The following EPS15L1 variants were observed in gnomAD, a reference collection of about 807,000 sequenced individuals.
EPS15L1 encodes the protein epidermal growth factor receptor pathway substrate 15 like 1, also known as epidermal growth factor receptor substrate 15-like 1.
Under a neutral mutation model 117.1 loss-of-function variants are expected in EPS15L1, and 43 were observed. That is an observed-to-expected ratio of 0.37 (90% CI 0.29 to 0.47). The LOEUF is 0.47. EPS15L1 is among the 20% of genes least tolerant of loss of function. The probability of loss-of-function intolerance (pLI) is 0.99; values close to 1 mark genes in which losing one functional copy is unlikely to be tolerated. For missense variants in EPS15L1, 981 were observed against 1,164.0 expected (o/e 0.84, Z 2.29); for synonymous variants, 459 against 470.5 (o/e 0.98, Z 0.32).
rs2092220770 is a variant in EPS15L1 at position 16,371,243 on chromosome 19, C to T, written c.2380+5879G>A. On this transcript the variant is annotated intron_variant, in intron 22 of 23. Coordinates refer to ENST00000455140, the MANE Select transcript of EPS15L1 (RefSeq NM_001258374.3). This position sits in a 1 kb window ranked among gnomAD's most constrained non-coding sequence, Gnocchi z 4.7. ...CAGAGAAGTGGGAGAGCTGGCAGCA[C>T]TTAGGACCTCAGGGCTTCCTCGGTG... is the stretch of plus-strand genomic sequence containing the variant. Among the ~76,000 whole-genome samples the T allele has an allele frequency of 6.6e-6, 1 of 152,136 alleles. No individual in the cohort carries two copies. The highest frequency in any genetic ancestry group is 1.5e-5 in the Non-Finnish European group (1 of 68,034).
rs2093344406 is a variant in EPS15L1 at position 16,471,315 on chromosome 19, T to G, written c.33+598A>C. 6.6e-6 allele frequency among the ~76,000 whole-genome samples: 1 copy of G among 152,234 alleles called. No individual in the cohort carries two copies. Among genetic ancestry groups the G allele is most frequent in the Admixed American group, 6.5e-5 (1 of 15,280 alleles). On this transcript the variant is annotated intron_variant, in intron 1 of 23. Transcript: ENST00000455140. The surrounding 1 kb of genome is among the most constrained non-coding windows in gnomAD (Gnocchi z 4.8). ...ACAGAGCTGCCTACGCATGGCTCTT[T>G]TTCGCATGTCTGTGTCGCGCTATCG...
chr19:16,395,671 T>C (rs1454074125), intron 16 of EPS15L1, among the ~76,000 whole-genome samples: 2 of 152,082 alleles, frequency 1.3e-5, no homozygotes, highest in African/African-American at 4.8e-5. Flanking sequence ...AGGCCAGGCA[T>C]GGTGGCTCAC....
chr19:16,382,511 A>G (rs1207651815), intron 21 of EPS15L1, among the ~76,000 whole-genome samples: 1 of 152,220 alleles, frequency 6.6e-6, no homozygotes, highest in East Asian at 1.9e-4. Flanking sequence ...AACTGGTTCA[A>G]AACAGAAGAC....
At position 16,402,313 on chromosome 19, in the gene EPS15L1, A is replaced by G. The variant is rs756022019; in HGVS notation, c.1791+8T>C. The G allele has an allele frequency of 6.2e-7, 1 of 1,603,648 alleles. No individual in the cohort carries two copies. The highest frequency in any genetic ancestry group is 8.5e-7 in the Non-Finnish European group (1 of 1,175,720). On this transcript the variant is annotated splice_region_variant and intron_variant, in intron 16 of 23. Coordinates refer to ENST00000455140, the MANE Select transcript of EPS15L1 (RefSeq NM_001258374.3). ...CCCCATACTGTAATACGTTTATTCA[A>G]CCTTTACCATGGCTCCAAAACTGCC... is the stretch of plus-strand genomic sequence containing the variant.
chr19:16,368,834 C>A (rs2092177573), intron 22 of EPS15L1, among the ~76,000 whole-genome samples: 2 of 152,222 alleles, frequency 1.3e-5, no homozygotes, highest in African/African-American at 4.8e-5. Flanking sequence ...ACAACCACAA[C>A]TGTCATTCAT....
At chr19:16,442,607 G>A (rs886689258) in intron 1 of EPS15L1, among the ~76,000 whole-genome samples, 7 of 152,164 alleles carry the variant, frequency 4.6e-5, no homozygotes, top group Admixed American at 4.6e-4. Context: ...CAGAAAAGAA[G>A]TTTCCACGCA....
chr19:16,416,852 T>A (rs2092763040), intron 12 of EPS15L1, among the ~76,000 whole-genome samples: 1 of 147,818 alleles, frequency 6.8e-6, no homozygotes, highest in African/African-American at 2.6e-5. Flanking sequence ...CAGAGGGGAA[T>A]ACAGGAAGTG....
intron 9 of EPS15L1, 106 bp from the exon 10 acceptor site, chr19:16,421,582 A>G (rs2092814372): frequency 1.7e-6 from 2 of 1,209,110 alleles, no homozygotes; most frequent in South Asian, 2.8e-5. Context: ...CACATTTGGC[A>G]TCAAACTCTC....
At chr19:16,441,248 T>C (rs919285389) in intron 3 of EPS15L1, 2 of 339,590 alleles carry the variant, frequency 5.9e-6, no homozygotes, top group Admixed American at 7.9e-5. Context: ...AGGTGGGCGA[T>C]TCACCTGAGG....
chr19:16,462,401 C>T (rs2093261562), intron 1 of EPS15L1, among the ~76,000 whole-genome samples: 1 of 152,188 alleles, frequency 6.6e-6, no homozygotes, highest in Non-Finnish European at 1.5e-5. Flanking sequence ...TGGCTCACAC[C>T]TGTAATCCCA....
At chr19:16,441,864 A>G in intron 3 of EPS15L1, 28 bp downstream of exon 3, 1 of 1,577,868 alleles carries the variant, frequency 6.3e-7, no homozygotes, top group Non-Finnish European at 8.7e-7. Context: ...CAGCCACAGA[A>G]GAGAAATCAC....
chr19:16,392,610 G>A (rs2092490035), intron 18 of EPS15L1, among the ~76,000 whole-genome samples, 170 bp from the exon 19 acceptor site: 1 of 152,082 alleles, frequency 6.6e-6, no homozygotes, highest in African/African-American at 2.4e-5. Flanking sequence ...GAGGGTGGAG[G>A]GTGACAACAA....
intron 1 of EPS15L1, among the ~76,000 whole-genome samples, chr19:16,470,706 A>G (rs2145223613): frequency 6.6e-6 from 1 of 152,268 alleles, no homozygotes; most frequent in East Asian, 1.9e-4. Flanking sequence ...TCCTTGGATC[A>G]GCTAACCAGT....
At chr19:16,428,414 G>GGGAAGGAAGGAAGGAA (rs770246482) in intron 8 of EPS15L1, among the ~76,000 whole-genome samples, 1 of 133,220 alleles carries the variant, frequency 7.5e-6, no homozygotes, top group African/African-American at 3.0e-5. Flanking sequence ...AAGGGAGGGA[G>GGGAAGGAAGGAAGGAA]GGAAGGAAGG....
At chr19:16,388,073 C>T (rs1325560233) in intron 19 of EPS15L1, among the ~76,000 whole-genome samples, 4 of 152,166 alleles carry the variant, frequency 2.6e-5, no homozygotes, top group African/African-American at 4.8e-5. Flanking sequence ...ATGGGAGTCT[C>T]ACTCTGTCAC....
At chr19:16,359,675 G>A (rs1324142655) in intron 23 of EPS15L1, among the ~76,000 whole-genome samples, 1 of 152,138 alleles carries the variant, frequency 6.6e-6, no homozygotes, top group Non-Finnish European at 1.5e-5. Flanking sequence ...AGACTGGGTA[G>A]TAAAGTGAGA....
intron 1 of EPS15L1, among the ~76,000 whole-genome samples, chr19:16,467,155 T>C (rs2093312373): frequency 1.3e-5 from 2 of 151,520 alleles, no homozygotes; most frequent in Non-Finnish European, 2.9e-5. Context: ...CTTTTCTTTT[T>C]TTTTTTTTTG....
intron 21 of EPS15L1, among the ~76,000 whole-genome samples, chr19:16,384,607 A>G (rs1020234397): frequency 6.6e-6 from 1 of 152,216 alleles, no homozygotes; most frequent in African/African-American, 2.4e-5. Context: ...CAACGGGTCC[A>G]GTCTGGTAAC....
intron 19 of EPS15L1, among the ~76,000 whole-genome samples, chr19:16,386,628 T>C (rs2092423241): frequency 6.6e-6 from 1 of 152,288 alleles, no homozygotes; most frequent in East Asian, 1.9e-4. Context: ...CACCAGAGGA[T>C]GGAGCCCAGA....
Sources: gnomAD v4.1 joint callset for allele counts (sites outside exome capture counted in the v4.1 genomes callset) on GRCh38, gnomAD v4.1.1 for gene constraint, Gnocchi (gnomAD v3.1) non-coding constraint, MANE v1.5 for transcripts, NCBI Gene and HGNC (gene_info 2026-07-23, HGNC 2026-07-21) for gene names.